Variants in ATG2A observed in about 807,000 individuals in gnomAD.
ATG2A encodes autophagy related 2A.
In ATG2A, 103 loss-of-function variants were observed where a neutral mutation model predicts 214.2. The ratio of observed to expected loss-of-function variants is 0.48; its 90% confidence interval spans 0.41 to 0.57. ATG2A has a LOEUF of 0.57. Ranked by LOEUF, ATG2A falls within the 20% of genes least tolerant of loss-of-function variation. ATG2A has a pLI of 0.00. For missense variants in ATG2A, 2,312 were observed against 2,613.2 expected, an observed-to-expected ratio of 0.88 and a Z score of 2.51; for synonymous variants, 1,160 against 1,142.1, an observed-to-expected ratio of 1.02 and a Z score of -0.32.
chr11:64,898,373 A>C lies in ATG2A; in HGVS notation c.4672-11T>G, dbSNP rs745609823. On this transcript the variant is annotated splice_polypyrimidine_tract_variant and intron_variant, in intron 32 of 40. Transcript: ENST00000377264. The surrounding 1 kb of genome is among the most constrained non-coding windows in gnomAD (Gnocchi z 4.5). Reference sequence around the variant, plus strand: ...CGCTTTGATGGTGAGCTGGGAGCAGAGGGTGAGTTCTGGACACCTGCTGGG... The same window carrying C: ...CGCTTTGATGGTGAGCTGGGAGCAGCGGGTGAGTTCTGGACACCTGCTGGG... 3 of 1,587,754 alleles carry C rather than the reference A, an allele frequency of 1.9e-6. No homozygotes were observed. The highest frequency in any genetic ancestry group is 2.6e-6 in the Non-Finnish European group (3 of 1,168,876).
chr11:64,900,549 G>A lies in ATG2A; in HGVS notation c.4409C>T (p.Thr1470Met), dbSNP rs372670898. The A allele has an allele frequency of 2.4e-5, 39 of 1,613,320 alleles. No individual in the cohort carries two copies. The highest frequency in any genetic ancestry group is 1.3e-4 in the African/African-American group (10 of 75,020). The change falls in exon 31 of 41, where the codon ACG (threonine) becomes ATG (methionine). Residue 1470 changes from threonine to methionine, a missense_variant. By Grantham distance (81) the Thr-to-Met change is moderately conservative. Coordinates refer to ENST00000377264, the MANE Select transcript of ATG2A (RefSeq NM_015104.3). ...GPNRPQNSWR[T>M]QGGSGRQHHV... ...GTGCTGCCGCCCGCTGCCCCCCTGC[G>A]TGCGCCATGAGTTCTGGGGCCGGTT...
intron 39 of ATG2A, among the ~76,000 whole-genome samples, chr11:64,896,122 T>A (rs1944140130): frequency 6.6e-6 from 1 of 152,224 alleles, no homozygotes; most frequent in South Asian, 2.1e-4. Context: ...ATGGCCTGAA[T>A]GAACCAGGGC....
At position 64,906,347 on chromosome 11, in the gene ATG2A, TG is replaced by T; in HGVS notation, c.3169del (p.His1057ThrfsTer4). 6.2e-7 allele frequency: 1 copy of T among 1,613,080 alleles called. No individual in the cohort carries two copies. The highest frequency in any genetic ancestry group is 8.5e-7 in the Non-Finnish European group (1 of 1,179,886). On this transcript the variant is annotated frameshift_variant, in exon 21 of 41. Transcript: ENST00000377264. LOFTEE classifies it high-confidence loss of function. ...STAVRIHLDP[H>X]KNVKEFLVTL... ...GCAAGCCCATACCTTCACATTCTTG[TG>T]GGGGTCCAGGTGGATGCGCACAGCA...
At position 64,900,518 on chromosome 11, in the gene ATG2A, G is replaced by A. The variant is rs746668228; in HGVS notation, c.4440C>T (p.Val1480=). ...TQGGSGRQHH[V]LMEIQLSKVS... ...CCTTGCTCAGCTGGATCTCCATGAG[G>A]ACATGGTGCTGCCGCCCGCTGCCCC... Residue 1480 remains valine, a synonymous_variant, in exon 31 of 41, where the codon GTC becomes GTT. Transcript: ENST00000377264. The A allele has an allele frequency of 6.2e-7, 1 of 1,613,560 alleles. No individual in the cohort carries two copies. Among genetic ancestry groups the A allele is most frequent in the South Asian group, 1.1e-5 (1 of 91,080 alleles).
Position 64,895,214 on chromosome 11 carries a change from G to A in ATG2A, c.5581-5C>T. On this transcript the variant is annotated splice_polypyrimidine_tract_variant and splice_region_variant and intron_variant, in intron 40 of 40. Transcript: ENST00000377264. This position sits in a 1 kb window ranked among gnomAD's most constrained non-coding sequence, Gnocchi z 5.0. ...CTGAGCTGTATCCAAGATGCCCTGT[G>A]GAAGCCAGAGGTCAGGGCGGGGTCT... The A allele has an allele frequency of 1.2e-6, 2 of 1,613,024 alleles. No homozygotes were observed. Among genetic ancestry groups the A allele is most frequent in the South Asian group, 2.2e-5 (2 of 91,044 alleles).
rs77225736 is a variant in ATG2A at position 64,912,376 on chromosome 11, C to T, written c.873G>A (p.Pro291=). The T allele has an allele frequency of 1.7e-3, 2,590 of 1,564,254 alleles. 39 individuals carry two copies. The African/African-American group carries it at 0.031, about 19-fold the overall frequency. Residue 291 remains proline, a synonymous_variant, in exon 7 of 41, where the codon CCG becomes CCA. Transcript: ENST00000377264. ...GTTCCTGAAGTTGCTGGAGCTGCCTCGGGGTCAGGAGCAGGTGCAGGGAGC... is the reference window on the plus strand; with the variant it reads ...GTTCCTGAAGTTGCTGGAGCTGCCTTGGGGTCAGGAGCAGGTGCAGGGAGC... The part of the protein sequence containing the change: ...QLGSLHLLLT[P]RQLQQLQELL...
intron 24 of ATG2A, 89 bp downstream of exon 24, chr11:64,905,474 T>G: frequency 7.4e-7 from 1 of 1,348,686 alleles, no homozygotes; most frequent in Non-Finnish European, 1.0e-6. Context: ...GGGTGTACAT[T>G]AAGACCGAGA....
At chr11:64,900,424 C>A in intron 31 of ATG2A, 70 bp downstream of exon 31, 1 of 1,604,870 alleles carries the variant, frequency 6.2e-7, no homozygotes, top group Non-Finnish European at 8.5e-7. Flanking sequence ...CATTGCTACA[C>A]GTGACATCGA....
Position 64,898,051 on chromosome 11 carries a change from G to T in ATG2A, c.4858+35C>A, listed in dbSNP as rs2136542536. The T allele has an allele frequency of 6.2e-7, 1 of 1,611,650 alleles. No homozygotes were observed. The highest frequency in any genetic ancestry group is 8.5e-7 in the Non-Finnish European group (1 of 1,179,220). On this transcript the variant is annotated intron_variant, in intron 34 of 40. Transcript: ENST00000377264. This position sits in a 1 kb window ranked among gnomAD's most constrained non-coding sequence, Gnocchi z 4.5. ...CCTGTGCTGTCCTGGGAGGCAGAAG[G>T]CCCAGACGCTCCCCTCCCTGGCCCA...
Position 64,898,219 on chromosome 11 carries a change from A to T in ATG2A, c.4773+42T>A. On this transcript the variant is annotated intron_variant, in intron 33 of 40. Transcript: ENST00000377264. This position sits in a 1 kb window ranked among gnomAD's most constrained non-coding sequence, Gnocchi z 4.5. The stretch of plus-strand genomic sequence containing the variant: ...GGATCAGACTCAGAGGCCTGGAGAC[A>T]GTGGGGTCACCCTAGGCTCTGCCCT... 2 of 1,613,592 alleles carry T rather than the reference A, an allele frequency of 1.2e-6. No homozygotes were observed. Among genetic ancestry groups the T allele is most frequent in the Non-Finnish European group, 1.7e-6 (2 of 1,179,630 alleles).
chr11:64,900,311 A>G lies in ATG2A; in HGVS notation c.4464+183T>C, dbSNP rs550308564. Among the ~76,000 whole-genome samples, 11 of 152,082 alleles carry G rather than the reference A, an allele frequency of 7.2e-5. No individual in the cohort carries two copies. The East Asian group carries it at 2.1e-3, about 29-fold the overall frequency. On this transcript the variant is annotated intron_variant, in intron 31 of 40. Coordinates refer to ENST00000377264, the MANE Select transcript of ATG2A (RefSeq NM_015104.3). ...GCACACCTGTCTCCTCCACCCCTGCAGACTCTCCCCTGAGCGCTCTTCACC... is the reference window on the plus strand; with the variant it reads ...GCACACCTGTCTCCTCCACCCCTGCGGACTCTCCCCTGAGCGCTCTTCACC...
In ATG2A at chr11:64,898,215, A is replaced by C. The variant is rs1260700689; in HGVS notation, c.4774-45T>G. 2 of 1,613,460 alleles carry C rather than the reference A, an allele frequency of 1.2e-6. No individual in the cohort carries two copies. The highest frequency in any genetic ancestry group is 2.7e-5 in the African/African-American group (2 of 74,860). On this transcript the variant is annotated intron_variant, in intron 33 of 40. Coordinates refer to ENST00000377264, the MANE Select transcript of ATG2A (RefSeq NM_015104.3). The surrounding 1 kb of genome is among the most constrained non-coding windows in gnomAD (Gnocchi z 4.5). Reference sequence around the variant, plus strand: ...ATGTGGATCAGACTCAGAGGCCTGGAGACAGTGGGGTCACCCTAGGCTCTG... The same window carrying C: ...ATGTGGATCAGACTCAGAGGCCTGGCGACAGTGGGGTCACCCTAGGCTCTG...
intron 16 of ATG2A, among the ~76,000 whole-genome samples, chr11:64,908,747 C>CT (rs1396284156): frequency 1.3e-5 from 2 of 152,170 alleles, no homozygotes; most frequent in Non-Finnish European, 2.9e-5. Context: ...GGGGCAGGAC[C>CT]TGATCTTTCC....
chr11:64,913,571 GC>G lies in ATG2A; in HGVS notation c.591-171del, dbSNP rs1249997618. ...ATGTCCAGCCCGGAGGCTCAGGCCA[GC>G]CCTTGCTCCTCAGACCCTCAGCATC... On this transcript the variant is annotated intron_variant, in intron 4 of 40. Coordinates refer to ENST00000377264, the MANE Select transcript of ATG2A (RefSeq NM_015104.3). This position sits in a 1 kb window ranked among gnomAD's most constrained non-coding sequence, Gnocchi z 4.3. 1 of 972,874 alleles carries G rather than the reference GC, an allele frequency of 1.0e-6. No individual in the cohort carries two copies. The highest frequency in any genetic ancestry group is 1.5e-6 in the Non-Finnish European group (1 of 676,910). The allele number at this position is 972,874 out of a possible 1,614,324, so 60.3% of individuals were successfully genotyped here.
chr11:64,900,302 C>T (rs1361763892), intron 31 of ATG2A, among the ~76,000 whole-genome samples, 192 bp downstream of exon 31: 4 of 152,106 alleles, frequency 2.6e-5, no homozygotes, highest in Non-Finnish European at 2.9e-5. Flanking sequence ...CTGTCTCCTC[C>T]ACCCCTGCAG....
Position 64,894,829 on chromosome 11 carries a change from G to A in ATG2A, c.*144C>T, listed in dbSNP as rs768203544. ...GCAGGGAGGCCCCCCTCTCACAGCA[G>A]ATTGGCAACGGGCAGGCTGGGAAGG... On this transcript the variant is annotated 3_prime_UTR_variant, in exon 41 of 41. Coordinates refer to ENST00000377264, the MANE Select transcript of ATG2A (RefSeq NM_015104.3). 17 of 1,014,012 alleles carry A rather than the reference G, an allele frequency of 1.7e-5. No homozygotes were observed. The African/African-American group carries it at 2.2e-4, about 13-fold the overall frequency. The allele number at this position is 1,014,012 out of a possible 1,614,324, so 62.8% of individuals were successfully genotyped here. A position where few individuals can be genotyped will look rare whatever the true frequency, so the allele number is the denominator to read the frequency against.
rs1297909219 is a variant in ATG2A, at chr11:64,895,005, G to A, written c.5785C>T (p.Leu1929Phe). The change falls in exon 41 of 41, where the codon CTC becomes TTC. Residue 1929 changes from leucine (L) to phenylalanine (F), a missense_variant. Coordinates refer to ENST00000377264, the MANE Select transcript of ATG2A (RefSeq NM_015104.3). The surrounding 1 kb of genome is among the most constrained non-coding windows in gnomAD (Gnocchi z 5.0). ...IVPDAHKDHA[L>F]KWRSDSAQD The stretch of plus-strand genomic sequence containing the variant: ...TGGGCACTGTCCGAGCGCCACTTGA[G>A]GGCGTGGTCCTTGTGGGCGTCGGGG... 2 of 1,612,572 alleles carry A rather than the reference G, an allele frequency of 1.2e-6. No homozygotes were observed. Among genetic ancestry groups the A allele is most frequent in the Admixed American group, 1.7e-5 (1 of 59,970 alleles).
At chr11:64,896,413 G>A (rs766540262) in intron 39 of ATG2A, 49 bp downstream of exon 39, 2 of 1,556,106 alleles carry the variant, frequency 1.3e-6, no homozygotes, top group Non-Finnish European at 1.7e-6. Context: ...GGTGCAGAGG[G>A]CTCCAGCTGC....
chr11:64,900,889 G>A lies in ATG2A; in HGVS notation c.4323C>T (p.Gly1441=). The change falls in exon 30 of 41, where the codon GGC becomes GGT. Residue 1441 remains glycine (G), a synonymous_variant. Transcript: ENST00000377264. The stretch of plus-strand genomic sequence containing the variant: ...CTGCACCCGCTCCTCCTCACCTGTG[G>A]CCGGGGTGGGGGCCAAAGTCTCGGC... The part of the protein sequence containing the change: ...YGGRDFGPHP[G]HRARTGLSGP... 1 of 1,557,848 alleles carries A rather than the reference G, an allele frequency of 6.4e-7. No individual in the cohort carries two copies. The highest frequency in any genetic ancestry group is 2.4e-5 in the East Asian group (1 of 41,292).
Sources: gnomAD v4.1 joint callset for allele counts (sites outside exome capture counted in the v4.1 genomes callset) on GRCh38, gnomAD v4.1.1 for gene constraint, Gnocchi (gnomAD v3.1) non-coding constraint, MANE v1.5 for transcripts, NCBI Gene and HGNC (gene_info 2026-07-23, HGNC 2026-07-21) for gene names.